The following TRAF3 variants were observed in gnomAD, a reference collection of about 807,000 sequenced individuals.
TRAF3 encodes TNF receptor associated factor 3.
TRAF3 carries 13 observed loss-of-function variants against 62.3 expected under a neutral mutation model. The ratio of observed to expected loss-of-function variants is 0.21; its 90% CI spans 0.14 to 0.33. TRAF3 has a LOEUF of 0.33. Ranked by LOEUF, TRAF3 falls within the 10% of genes least tolerant of loss-of-function variation. The probability of loss-of-function intolerance (pLI) is 1.00; values close to 1 mark genes in which losing one functional copy is unlikely to be tolerated. For missense variants in TRAF3, 440 were observed against 741.8 expected (o/e 0.59, Z 4.73); for synonymous variants, 269 against 283.4 (o/e 0.95, Z 0.51).
At chr14:102,800,983 G>GGCTAACATA (rs755144358) in intron 1 of TRAF3, among the ~76,000 whole-genome samples, 1,948 of 150,320 alleles carry the variant, frequency 0.013, 26 homozygotes, top group Non-Finnish European at 0.02. Flanking sequence ...TCGAGACCAC[G>GGCTAACATA]GTGAAACCCC....
At chr14:102,808,059 T>C (rs1898880393) in intron 1 of TRAF3, among the ~76,000 whole-genome samples, 2 of 152,214 alleles carry the variant, frequency 1.3e-5, no homozygotes, top group Non-Finnish European at 1.5e-5. Context: ...ATGGAATGCA[T>C]GGTCCAGGTG....
At chr14:102,860,645 A>G (rs59807151) in intron 2 of TRAF3, among the ~76,000 whole-genome samples, 3,034 of 152,350 alleles carry the variant, frequency 0.02, 94 homozygotes, top group African/African-American at 0.068. Context: ...AGGAGAATCA[A>G]CAAATGGCAC....
In TRAF3 at chr14:102,801,771, C is replaced by T. The variant is rs1022691113; in HGVS notation, c.-157+24096C>T. ...CAGTGGCTCACATCTGTAATCCCAG[C>T]GCTTTGGGAGGCCGAGGCGGGCAGA... On this transcript the variant is annotated intron_variant, in intron 1 of 11. Transcript: ENST00000392745. 5.9e-5 allele frequency among the ~76,000 whole-genome samples: 9 copies of T among 151,994 alleles called. No homozygotes were observed. In the East Asian group the frequency reaches 1.4e-3, roughly 23 times the overall value.
intron 1 of TRAF3, among the ~76,000 whole-genome samples, chr14:102,792,904 C>T (rs1309717589): frequency 2.6e-5 from 4 of 151,454 alleles, no homozygotes; most frequent in Non-Finnish European, 2.9e-5. Context: ...TGCAGTGGTG[C>T]GATCTCGGGT....
intron 6 of TRAF3, among the ~76,000 whole-genome samples, chr14:102,880,218 C>T (rs1421290108): frequency 1.3e-5 from 2 of 152,144 alleles, no homozygotes; most frequent in Admixed American, 6.5e-5. Context: ...ATGGCTCATG[C>T]CTATAATCCC....
At chr14:102,796,472 A>G (rs978206290) in intron 1 of TRAF3, among the ~76,000 whole-genome samples, 4 of 152,204 alleles carry the variant, frequency 2.6e-5, no homozygotes, top group African/African-American at 4.8e-5. Context: ...GGGAACCCCA[A>G]CTTGAAGCTG....
At chr14:102,874,015 T>A (rs1888496107) in intron 4 of TRAF3, among the ~76,000 whole-genome samples, 1 of 152,112 alleles carries the variant, frequency 6.6e-6, no homozygotes. Context: ...ATCCCAGGAC[T>A]TTGGGAGGCT....
In TRAF3 at chr14:102,870,115, C is replaced by T. The variant is rs995202869; in HGVS notation, c.-17-70C>T. The T allele has an allele frequency of 5.0e-6, 8 of 1,609,062 alleles. No homozygotes were observed. In the African/African-American group the frequency reaches 6.7e-5, roughly 13 times the overall value. ...AGACAGCAGGTCTCAGGCACTTTTG[C>T]TTTCCCAAAGCTGTGTTTGTTTCCT... On this transcript the variant is annotated intron_variant, in intron 2 of 11. Coordinates refer to ENST00000392745, the MANE Select transcript of TRAF3 (RefSeq NM_145725.3).
chr14:102,817,749 C>A, intron 1 of TRAF3, among the ~76,000 whole-genome samples: 1 of 152,236 alleles, frequency 6.6e-6, no homozygotes, highest in East Asian at 1.9e-4. Flanking sequence ...TGCTTATCCT[C>A]AGGGTTCTCT....
At chr14:102,812,918 C>CA (rs879466223) in intron 1 of TRAF3, among the ~76,000 whole-genome samples, 101 of 140,696 alleles carry the variant, frequency 7.2e-4, no homozygotes, top group Middle Eastern at 3.6e-3. Flanking sequence ...GACTCCGTCT[C>CA]AAAAAAAAAA....
chr14:102,875,878 C>A, intron 5 of TRAF3, 150 bp downstream of exon 5: 1 of 715,990 alleles, frequency 1.4e-6, no homozygotes, highest in Non-Finnish European at 2.5e-6. Flanking sequence ...GCAGTCAGAA[C>A]CACTTGAGTA....
intron 6 of TRAF3, among the ~76,000 whole-genome samples, chr14:102,882,421 G>T (rs1403675004): frequency 3.3e-5 from 5 of 152,180 alleles, no homozygotes; most frequent in African/African-American, 1.2e-4. Flanking sequence ...TTGGGGTCCT[G>T]CCAGTGCATC....
Position 102,911,459 on chromosome 14 carries a change from A to G in TRAF3, c.*5675A>G, listed in dbSNP as rs1890864602. 1.3e-5 allele frequency: 2 copies of G among 152,244 alleles called. No homozygotes were observed. The highest frequency in any genetic ancestry group is 4.1e-4 in the South Asian group (2 of 4,830). 9.4% of individuals were successfully genotyped at this position (152,244 alleles called of 1,614,324 possible). A position where few individuals can be genotyped will look rare whatever the true frequency, so the allele number is the denominator to read the frequency against. On this transcript the variant is annotated 3_prime_UTR_variant, in exon 12 of 12. Transcript: ENST00000392745. Reference sequence around the variant, plus strand: ...AGAATGCAAAACTCGGAGATGCTAAACTGTCTTATTAGAGGAAAATAAATC... The same window carrying G: ...AGAATGCAAAACTCGGAGATGCTAAGCTGTCTTATTAGAGGAAAATAAATC...
chr14:102,865,503 T>A (rs915181662), intron 2 of TRAF3, among the ~76,000 whole-genome samples: 1 of 150,432 alleles, frequency 6.6e-6, no homozygotes, highest in African/African-American at 2.4e-5. Context: ...CTGAATTTTT[T>A]TTTTTTTTTT....
intron 1 of TRAF3, among the ~76,000 whole-genome samples, chr14:102,817,008 TATG>T (rs1455766199): frequency 6.6e-6 from 1 of 152,128 alleles, no homozygotes; most frequent in Admixed American, 6.5e-5. Context: ...GGGGGTCCTT[TATG>T]ATCTAAGGAA....
chr14:102,898,582 A>C (rs1890119160), intron 10 of TRAF3, among the ~76,000 whole-genome samples: 1 of 152,248 alleles, frequency 6.6e-6, no homozygotes, highest in African/African-American at 2.4e-5. Flanking sequence ...CCTGGGGCTC[A>C]GAGAGGCACT....
intron 11 of TRAF3, 151 bp from the exon 12 acceptor site, chr14:102,905,062 A>C: frequency 1.3e-6 from 1 of 794,800 alleles, no homozygotes. Context: ...CAGTCAGCTG[A>C]GATGGTGCCA....
chr14:102,843,422 CTG>C (rs1217656320), intron 2 of TRAF3, among the ~76,000 whole-genome samples: 10 of 151,660 alleles, frequency 6.6e-5, no homozygotes, highest in African/African-American at 2.4e-4. Context: ...ACTGCAATCT[CTG>C]TCTCCCGGGC....
rs1886867926 is a variant in TRAF3, at chr14:102,848,806, C to T, written c.-18+18334C>T. On this transcript the variant is annotated intron_variant, in intron 2 of 11. Coordinates refer to ENST00000392745, the MANE Select transcript of TRAF3 (RefSeq NM_145725.3). ...TCCCTCATTCTGGCCTTTGCTGTTT[C>T]CACTGGACATGTTCTTCTGCCTGTG... 2.0e-5 allele frequency among the ~76,000 whole-genome samples: 3 copies of T among 152,150 alleles called. No individual in the cohort carries two copies. In the South Asian group the frequency reaches 6.2e-4, roughly 32 times the overall value.
Sources: allele counts gnomAD v4.1 joint callset (sites outside exome capture counted in the v4.1 genomes callset), GRCh38; gene constraint gnomAD v4.1.1; transcripts MANE v1.5; gene names NCBI Gene and HGNC (gene_info 2026-07-23, HGNC 2026-07-21).